Variants in RIMS1 observed in about 807,000 individuals in gnomAD.
RIMS1 encodes the protein regulating synaptic membrane exocytosis protein 1.
A neutral mutation model predicts 214.1 loss-of-function variants in RIMS1; 83 were observed. The observed-to-expected ratio is 0.39, with a 90% CI of 0.32 to 0.47. The LOEUF (loss-of-function observed/expected upper bound fraction) is 0.47. RIMS1 is among the 20% of genes least tolerant of loss of function. RIMS1 has a pLI of 0.99. For synonymous variants in RIMS1, 793 were observed against 786.8 expected, an observed-to-expected ratio of 1.01 and a Z score of -0.13; for missense variants, 2,050 against 2,161.8, an observed-to-expected ratio of 0.95 and a Z score of 1.03.
chr6:72,123,620 G>C (rs532098669), intron 4 of RIMS1, among the ~76,000 whole-genome samples: 1 of 151,730 alleles, frequency 6.6e-6, no homozygotes, highest in African/African-American at 2.4e-5. Flanking sequence ...TCTCTTTGTA[G>C]GTCTCTAAGG....
chr6:72,399,303 T>G (rs1198360768), intron 33 of RIMS1, among the ~76,000 whole-genome samples: 1 of 151,570 alleles, frequency 6.6e-6, no homozygotes, highest in African/African-American at 2.4e-5. Context: ...ACAATTTTAT[T>G]TTATCTCTCT....
chr6:72,168,476 G>A (rs182624613), intron 4 of RIMS1, among the ~76,000 whole-genome samples: 10 of 152,220 alleles, frequency 6.6e-5, no homozygotes, highest in African/African-American at 1.9e-4. Flanking sequence ...CTGATTATTA[G>A]TTTGGGGTGG....
At chr6:72,211,573 C>T (rs1439976802) in intron 6 of RIMS1, among the ~76,000 whole-genome samples, 1 of 152,020 alleles carries the variant, frequency 6.6e-6, no homozygotes, top group Non-Finnish European at 1.5e-5. Flanking sequence ...TCATATAGTA[C>T]TTCAGTACTG....
chr6:72,035,669 C>G (rs1387217943), intron 2 of RIMS1, among the ~76,000 whole-genome samples: 3 of 152,128 alleles, frequency 2.0e-5, no homozygotes, highest in African/African-American at 7.2e-5. Context: ...TCCTGTTAAG[C>G]CTCAGGTTGC....
At chr6:71,925,409 C>T (rs957952374) in intron 1 of RIMS1, among the ~76,000 whole-genome samples, 8 of 152,014 alleles carry the variant, frequency 5.3e-5, no homozygotes, top group Non-Finnish European at 1.2e-4. Context: ...GTCAGGCATA[C>T]GTTAAGTTAA....
rs1767931758 is a variant in RIMS1, at chr6:71,886,972, T to C, written c.-52T>C. On this transcript the variant is annotated 5_prime_UTR_variant, in exon 1 of 34. Coordinates refer to ENST00000521978, the MANE Select transcript of RIMS1 (RefSeq NM_014989.7). ...CAGGGGCGCAGCTGCTGGGCGTGCA[T>C]CCGAAAGGTGAGAGCCAGAGAGCGA... 4 of 1,587,346 alleles carry C rather than the reference T, an allele frequency of 2.5e-6. No homozygotes were observed. In the South Asian group the frequency reaches 4.6e-5, roughly 18 times the overall value.
intron 6 of RIMS1, among the ~76,000 whole-genome samples, chr6:72,224,897 A>C: frequency 6.6e-6 from 1 of 152,328 alleles, no homozygotes; most frequent in Non-Finnish European, 1.5e-5. Flanking sequence ...CTGATTTCCT[A>C]TAGCTGTAGT....
intron 5 of RIMS1, 126 bp from the exon 6 acceptor site, chr6:72,182,158 C>A: frequency 9.6e-7 from 1 of 1,044,832 alleles, no homozygotes; most frequent in Non-Finnish European, 1.3e-6. Context: ...GTTCCACCTT[C>A]AGATCCAAAT....
chr6:72,155,272 C>A lies in RIMS1; in HGVS notation c.472-24303C>A, dbSNP rs1460716396. Among the ~76,000 whole-genome samples the A allele has an allele frequency of 2.9e-5, 4 of 140,166 alleles. 2 individuals carry two copies. The highest frequency in any genetic ancestry group is 6.5e-5 in the Non-Finnish European group (4 of 61,746). 92.0% of individuals were successfully genotyped at this position (140,166 alleles called of 152,430 possible). ...TGCAAATTTTTCACACTTTTATGCT[C>A]TGCTTCCCTTATAAAATCGAACGTC... On this transcript the variant is annotated intron_variant, in intron 4 of 33. Transcript: ENST00000521978.
chr6:72,032,160 A>T (rs1818304335), intron 2 of RIMS1, among the ~76,000 whole-genome samples: 1 of 151,608 alleles, frequency 6.6e-6, no homozygotes, highest in Admixed American at 6.6e-5. Context: ...GTTTGTGGGG[A>T]GGTATGTATG....
At chr6:72,186,469 G>T (rs1294328119) in intron 6 of RIMS1, among the ~76,000 whole-genome samples, 1 of 152,166 alleles carries the variant, frequency 6.6e-6, no homozygotes, top group Admixed American at 6.5e-5. Flanking sequence ...CCATTAGATA[G>T]TGCTTATGTA....
At chr6:72,349,687 A>AT (rs2097377984) in intron 29 of RIMS1, among the ~76,000 whole-genome samples, 1 of 152,014 alleles carries the variant, frequency 6.6e-6, no homozygotes, top group Non-Finnish European at 1.5e-5. Context: ...GAAAGGGTTG[A>AT]TTAGAAACCC....
intron 1 of RIMS1, among the ~76,000 whole-genome samples, chr6:71,956,519 T>G (rs1791332661): frequency 6.6e-6 from 1 of 152,188 alleles, no homozygotes; most frequent in Non-Finnish European, 1.5e-5. Context: ...ATCACTTTTC[T>G]TGGTGTTAGA....
intron 2 of RIMS1, among the ~76,000 whole-genome samples, chr6:72,017,762 C>CA (rs1448406591): frequency 6.6e-6 from 1 of 152,062 alleles, no homozygotes; most frequent in Non-Finnish European, 1.5e-5. Context: ...AGTATTGCTG[C>CA]AACATATTGC....
At chr6:72,342,886 A>C (rs2097143116) in intron 29 of RIMS1, among the ~76,000 whole-genome samples, 1 of 151,776 alleles carries the variant, frequency 6.6e-6, no homozygotes, top group Non-Finnish European at 1.5e-5. Context: ...ATACAAAGGA[A>C]TATTGCAATG....
At chr6:72,265,346 A>G in intron 20 of RIMS1, 44 bp from the exon 21 acceptor site, 1 of 1,090,560 alleles carries the variant, frequency 9.2e-7, no homozygotes, top group Non-Finnish European at 1.3e-6. Context: ...GATTTTAATT[A>G]TAATTTATTT....
intron 29 of RIMS1, among the ~76,000 whole-genome samples, chr6:72,346,542 T>G (rs1379710143): frequency 6.6e-6 from 1 of 151,708 alleles, no homozygotes; most frequent in African/African-American, 2.4e-5. Context: ...TCATCCCAAA[T>G]TAGGCATAAT....
intron 4 of RIMS1, among the ~76,000 whole-genome samples, chr6:72,144,105 T>C (rs368549238): frequency 6.6e-6 from 1 of 152,202 alleles, no homozygotes. Flanking sequence ...CAGCATATCA[T>C]TATTTAACCA....
intron 4 of RIMS1, among the ~76,000 whole-genome samples, chr6:72,145,696 G>A (rs961605796): frequency 4.6e-5 from 7 of 152,184 alleles, no homozygotes; most frequent in Admixed American, 3.3e-4. Flanking sequence ...AAGTTAAGAG[G>A]CCAGTGTTCC....
Sources: gnomAD v4.1 joint callset for allele counts (sites outside exome capture counted in the v4.1 genomes callset) on GRCh38, gnomAD v4.1.1 for gene constraint, MANE v1.5 for transcripts, NCBI Gene and HGNC (gene_info 2026-07-23, HGNC 2026-07-21) for gene names.